The following DNAJC5B variants were observed in gnomAD, a reference collection of about 807,000 sequenced individuals.
DNAJC5B encodes the protein DnaJ heat shock protein family (Hsp40) member C5 beta.
A neutral mutation model predicts 24.7 loss-of-function variants in DNAJC5B; 23 were observed. The ratio of observed to expected loss-of-function variants is 0.93; its 90% CI spans 0.67 to 1.32. The LOEUF (loss-of-function observed/expected upper bound fraction) is 1.32, where lower values mean the gene tolerates loss of function less well. DNAJC5B is among the 40% of genes most tolerant of loss of function. DNAJC5B has a pLI of 0.00. For missense variants in DNAJC5B, 238 were observed against 240.8 expected, an observed-to-expected ratio of 0.99 and a Z score of 0.08; for synonymous variants, 101 against 90.1, an observed-to-expected ratio of 1.12 and a Z score of -0.68.
At chr8:66,074,760 C>T (rs1247707501) in intron 3 of DNAJC5B, among the ~76,000 whole-genome samples, 6 of 152,222 alleles carry the variant, frequency 3.9e-5, no homozygotes, top group Non-Finnish European at 7.3e-5. Context: ...GCACGACCAC[C>T]TCCTTGACGG....
chr8:66,082,218 T>C (rs1172958298), intron 5 of DNAJC5B, among the ~76,000 whole-genome samples: 1 of 151,990 alleles, frequency 6.6e-6, no homozygotes, highest in African/African-American at 2.4e-5. Context: ...GACAGCAAGA[T>C]AGGAGAGTAT....
At chr8:66,052,565 ATCT>A (rs1410695774) in intron 3 of DNAJC5B, among the ~76,000 whole-genome samples, 6 of 152,240 alleles carry the variant, frequency 3.9e-5, no homozygotes, top group Non-Finnish European at 7.3e-5. Flanking sequence ...AAAAAAAATC[ATCT>A]TCTTCTACAC....
intron 5 of DNAJC5B, among the ~76,000 whole-genome samples, chr8:66,087,432 C>T (rs374382260): frequency 6.6e-6 from 1 of 152,112 alleles, no homozygotes; most frequent in African/African-American, 2.4e-5. Flanking sequence ...CCATCCCAAA[C>T]CTCATGTCCT....
chr8:66,038,393 T>C (rs999574183), intron 1 of DNAJC5B, among the ~76,000 whole-genome samples: 2 of 152,214 alleles, frequency 1.3e-5, no homozygotes, highest in African/African-American at 4.8e-5. Flanking sequence ...GAGGCTCCAT[T>C]TGAAGGAGGC....
At chr8:66,058,869 T>C (rs1348299142) in intron 3 of DNAJC5B, among the ~76,000 whole-genome samples, 2 of 152,228 alleles carry the variant, frequency 1.3e-5, no homozygotes, top group African/African-American at 2.4e-5. Context: ...AGCTCTTGCC[T>C]TATTGACATT....
At chr8:66,076,290 G>A (rs950895649) in intron 3 of DNAJC5B, among the ~76,000 whole-genome samples, 13 of 152,194 alleles carry the variant, frequency 8.5e-5, no homozygotes, top group South Asian at 2.1e-4. Flanking sequence ...CTAAATGGAA[G>A]TTTGGTGTAA....
In DNAJC5B at chr8:66,088,204, T is replaced by C. The variant is rs1807770530; in HGVS notation, c.505+7656T>C. ...AGCCACCAAGATTTGAGGCACCCTC[T>C]GAAGCAATAGCCTTAGCTGTACCTT... is the stretch of plus-strand genomic sequence containing the variant. On this transcript the variant is annotated intron_variant, in intron 5 of 5. Transcript: ENST00000276570. Among the ~76,000 whole-genome samples, 3 of 152,354 alleles carry C rather than the reference T, an allele frequency of 2.0e-5. No individual in the cohort carries two copies. In the South Asian group the frequency reaches 6.2e-4, roughly 32 times the overall value.
intron 5 of DNAJC5B, among the ~76,000 whole-genome samples, chr8:66,097,326 G>A (rs1245545176): frequency 6.6e-6 from 1 of 150,620 alleles, no homozygotes; most frequent in Non-Finnish European, 1.5e-5. Flanking sequence ...TTTATCAAAT[G>A]TACTTAATTT....
chr8:66,066,571 CT>C lies in DNAJC5B; in HGVS notation c.120-10085del, dbSNP rs1023573739. 2.0e-5 allele frequency among the ~76,000 whole-genome samples: 3 copies of C among 152,122 alleles called. No homozygotes were observed. The South Asian group carries it at 6.2e-4, about 32-fold the overall frequency. ...GCTATAAAAAAGAGAAAAATAATGTCTTTTGCAGCAACTTGGATGGAGCTGG... is the reference window on the plus strand; with the variant it reads ...GCTATAAAAAAGAGAAAAATAATGTCTTTGCAGCAACTTGGATGGAGCTGG... On this transcript the variant is annotated intron_variant, in intron 3 of 5. Coordinates refer to ENST00000276570, the MANE Select transcript of DNAJC5B (RefSeq NM_033105.6).
chr8:66,043,324 G>T (rs1408658426), intron 1 of DNAJC5B, among the ~76,000 whole-genome samples, 164 bp from the exon 2 acceptor site: 1 of 152,174 alleles, frequency 6.6e-6, no homozygotes, highest in Non-Finnish European at 1.5e-5. Context: ...GAGTCCCGGT[G>T]GAGACGCTGG....
chr8:66,028,101 T>C (rs1271382738), intron 1 of DNAJC5B, among the ~76,000 whole-genome samples: 6 of 152,216 alleles, frequency 3.9e-5, no homozygotes, highest in African/African-American at 7.2e-5. Context: ...CAGTGTTGTC[T>C]GGAGTGTTCA....
rs1747707481 is a variant in DNAJC5B, at chr8:66,021,709, A to C, written c.-142+4A>C. On this transcript the variant is annotated splice_donor_region_variant and intron_variant, in intron 1 of 5. Transcript: ENST00000276570. ...GAAAAAGAGGAGAGATCTCAAGGTG[A>C]GTGTGTCTCCAAGCTTAAGAAGAAT... The C allele has an allele frequency of 6.6e-6, 1 of 152,354 alleles. No individual in the cohort carries two copies. Among genetic ancestry groups the C allele is most frequent in the Non-Finnish European group, 1.5e-5 (1 of 68,058 alleles). The allele number at this position is 152,354 out of a possible 1,614,324, so 9.4% of individuals were successfully genotyped here. A position where few individuals can be genotyped will look rare whatever the true frequency, so the allele number is the denominator to read the frequency against.
intron 1 of DNAJC5B, among the ~76,000 whole-genome samples, chr8:66,038,572 A>G (rs1343348485): frequency 6.6e-6 from 1 of 152,246 alleles, no homozygotes; most frequent in African/African-American, 2.4e-5. Context: ...ACTTTTTGTG[A>G]AAAAACACAA....
intron 5 of DNAJC5B, among the ~76,000 whole-genome samples, chr8:66,086,931 A>C (rs1807739566): frequency 6.6e-6 from 1 of 152,206 alleles, no homozygotes; most frequent in Admixed American, 6.5e-5. Context: ...TCCAGAATAA[A>C]AGTAATAGCT....
At chr8:66,033,739 A>G (rs1293649866) in intron 1 of DNAJC5B, among the ~76,000 whole-genome samples, 1 of 151,412 alleles carries the variant, frequency 6.6e-6, no homozygotes. Flanking sequence ...AAAGGGAAAT[A>G]AAACTGCTTC....
intron 3 of DNAJC5B, among the ~76,000 whole-genome samples, chr8:66,055,835 G>A (rs575016673): frequency 8.5e-5 from 13 of 152,124 alleles, no homozygotes; most frequent in East Asian, 1.9e-4. Context: ...CCAGCTGCTC[G>A]GGAGGCTGAG....
intron 3 of DNAJC5B, among the ~76,000 whole-genome samples, chr8:66,054,719 T>C (rs1254615963): frequency 5.3e-5 from 8 of 152,200 alleles, no homozygotes; most frequent in Non-Finnish European, 7.3e-5. Flanking sequence ...CTAGTTTATA[T>C]TTCCCTTAAG....
At chr8:66,076,533 C>A in intron 3 of DNAJC5B, 127 bp from the exon 4 acceptor site, 1 of 1,026,234 alleles carries the variant, frequency 9.7e-7, no homozygotes, top group South Asian at 1.5e-5. Context: ...CACCGCTAGT[C>A]TGAAACTCAC....
At chr8:66,015,673 G>A in the DNAJC5B span, among the ~76,000 whole-genome samples, 1 of 152,208 alleles carries the variant, frequency 6.6e-6, no homozygotes, top group African/African-American at 2.4e-5. Flanking sequence ...GTCACATAGA[G>A]AGGTATTATC....
Sources: allele counts gnomAD v4.1 joint callset (sites outside exome capture counted in the v4.1 genomes callset), GRCh38; gene constraint gnomAD v4.1.1; transcripts MANE v1.5; gene names NCBI Gene and HGNC (gene_info 2026-07-23, HGNC 2026-07-21).